Variants in ITPR1 observed in about 807,000 individuals in gnomAD.
The protein encoded by ITPR1 is inositol 1,4,5-trisphosphate-gated calcium channel ITPR1.
A neutral mutation model predicts 318.4 loss-of-function variants in ITPR1; 96 were observed. That is an observed-to-expected ratio of 0.30 (90% CI 0.26 to 0.36). ITPR1 has a LOEUF of 0.36. ITPR1 is among the 10% of genes least tolerant of loss of function. The probability of loss-of-function intolerance (pLI) is 1.00; values close to 1 mark genes in which losing one functional copy is unlikely to be tolerated. For missense variants in ITPR1, 2,440 were observed against 3,460.2 expected, an observed-to-expected ratio of 0.71 and a Z score of 7.40; for synonymous variants, 1,312 against 1,289.9, an observed-to-expected ratio of 1.02 and a Z score of -0.37.
rs928358628 is a variant in ITPR1 at position 4,670,638 on chromosome 3, G to A, written c.2007-91G>A. On this transcript the variant is annotated intron_variant, in intron 19 of 61. Transcript: ENST00000649015. ...TTGGGGGAAATACAAAACAAAAAGT[G>A]TCTTTCCATGTGTCTTTATGCTGAA... 37 of 944,102 alleles carry A rather than the reference G, an allele frequency of 3.9e-5. 1 individual carries two copies. The highest frequency in any genetic ancestry group is 5.8e-5 in the Non-Finnish European group (35 of 608,520). 58.5% of individuals were successfully genotyped at this position (944,102 alleles called of 1,614,324 possible). A position where few individuals can be genotyped will look rare whatever the true frequency, so the allele number is the denominator to read the frequency against.
chr3:4,683,805 G>T lies in ITPR1; in HGVS notation c.3498+7G>T. On this transcript the variant is annotated splice_region_variant and intron_variant, in intron 28 of 61. Transcript: ENST00000649015. ...TGAACATAAGAAAACGGAGGTGAGTGAAACACAAGTTATGCTGCCAAAGTG... is the reference window on the plus strand; with the variant it reads ...TGAACATAAGAAAACGGAGGTGAGTTAAACACAAGTTATGCTGCCAAAGTG... 1 of 1,611,614 alleles carries T rather than the reference G, an allele frequency of 6.2e-7. No homozygotes were observed. The highest frequency in any genetic ancestry group is 2.2e-5 in the East Asian group (1 of 44,822).
At chr3:4,676,250 C>G (rs2094182884) in intron 23 of ITPR1, among the ~76,000 whole-genome samples, 1 of 151,434 alleles carries the variant, frequency 6.6e-6, no homozygotes, top group South Asian at 2.1e-4. Context: ...GACGTTGAGG[C>G]AGGAAGATTG....
chr3:4,612,260 C>T (rs55986749), intron 4 of ITPR1, among the ~76,000 whole-genome samples: 20,558 of 151,796 alleles, frequency 0.14, 1,510 homozygotes, highest in African/African-American at 0.19. Flanking sequence ...CAGCGTTTCA[C>T]CATGTTGGCC....
rs2094369426 is a variant in ITPR1, at chr3:4,685,115, T to G, written c.3611T>G (p.Val1204Gly). Residue 1204 changes from valine to glycine, a missense_variant, in exon 30 of 62, where the codon GTG (valine) becomes GGG (glycine). Transcript: ENST00000649015. ...CTCTGTGTTCAAGAGAGTGCCTCAG[T>G]GAGAAAGAGCAGGAAGCAGCAACAG... ...SKLCVQESAS[V>G]RKSRKQQQRL... The G allele has an allele frequency of 6.2e-7, 1 of 1,611,088 alleles. No individual in the cohort carries two copies. Among genetic ancestry groups the G allele is most frequent in the African/African-American group, 1.3e-5 (1 of 74,886 alleles).
At chr3:4,738,499 G>A (rs949999798) in intron 44 of ITPR1, among the ~76,000 whole-genome samples, 7 of 152,168 alleles carry the variant, frequency 4.6e-5, no homozygotes, top group African/African-American at 1.4e-4. Flanking sequence ...GGCCCCATTC[G>A]GTTCTGGGCT....
In ITPR1 at chr3:4,645,590, G is replaced by A. The variant is rs1368432557; in HGVS notation, c.717G>A (p.Val239=). 1 of 1,613,198 alleles carries A rather than the reference G, an allele frequency of 6.2e-7. No individual in the cohort carries two copies. Among genetic ancestry groups the A allele is most frequent in the African/African-American group, 1.3e-5 (1 of 74,860 alleles). ...NKDDILKGGD[V]VRLFHAEQEK... ...CTTGTGTTGACTGTCAGGGTGACGT[G>A]GTGAGGCTGTTTCATGCTGAGCAGG... Residue 239 remains valine (V), a synonymous_variant, in exon 10 of 62, where the codon GTG becomes GTA. Coordinates refer to ENST00000649015, the MANE Select transcript of ITPR1 (RefSeq NM_001378452.1).
intron 52 of ITPR1, among the ~76,000 whole-genome samples, chr3:4,790,329 T>C (rs949201088): frequency 2.6e-5 from 4 of 152,202 alleles, no homozygotes; most frequent in African/African-American, 9.7e-5. Flanking sequence ...GATGACCTAA[T>C]TGATGGACTG....
At chr3:4,652,511 C>A (rs1221553562) in intron 11 of ITPR1, among the ~76,000 whole-genome samples, 1 of 152,106 alleles carries the variant, frequency 6.6e-6, no homozygotes, top group Admixed American at 6.6e-5. Context: ...TTATATACGA[C>A]CCTCCCCACG....
chr3:4,578,042 A>G lies in ITPR1; in HGVS notation c.164-49721A>G, dbSNP rs761011850. Among the ~76,000 whole-genome samples, 75 of 152,250 alleles carry G rather than the reference A, an allele frequency of 4.9e-4. 2 individuals are homozygous for G. Among genetic ancestry groups the G allele is most frequent in the African/African-American group, 1.4e-4 (6 of 41,460 alleles). ...CAGTGCCAGTGAAACTGTGCATTCT[A>G]TACTCATCTTGAAATATTAGCCCTT... On this transcript the variant is annotated intron_variant, in intron 4 of 61. Coordinates refer to ENST00000649015, the MANE Select transcript of ITPR1 (RefSeq NM_001378452.1).
intron 34 of ITPR1, among the ~76,000 whole-genome samples, 170 bp downstream of exon 34, chr3:4,697,442 G>A (rs2094577870): frequency 9.1e-6 from 1 of 110,224 alleles, no homozygotes; most frequent in Non-Finnish European, 2.0e-5. Flanking sequence ...TTCTTCTCAT[G>A]TATCCTTTCT....
rs1028963647 is a variant in ITPR1, at chr3:4,811,558, C to G, written c.7468+98C>G. On this transcript the variant is annotated intron_variant, in intron 56 of 61. Transcript: ENST00000649015. ...AACGACTTTAGTAATGCAGATATCT[C>G]CCCATTGTATCTCCCTAACACGCAG... 7.6e-6 allele frequency: 7 copies of G among 925,422 alleles called. No homozygotes were observed. In the Admixed American group the frequency reaches 1.5e-4, roughly 20 times the overall value. 57.3% of individuals were successfully genotyped at this position (925,422 alleles called of 1,614,324 possible). A position where few individuals can be genotyped will look rare whatever the true frequency, so the allele number is the denominator to read the frequency against.
At chr3:4,550,215 C>G (rs966038978) in intron 4 of ITPR1, among the ~76,000 whole-genome samples, 4 of 152,112 alleles carry the variant, frequency 2.6e-5, no homozygotes, top group African/African-American at 9.7e-5. Context: ...TCTCTCTGAG[C>G]AGGGCCATGT....
intron 30 of ITPR1, among the ~76,000 whole-genome samples, chr3:4,687,277 A>T (rs1274849567): frequency 1.3e-5 from 2 of 152,248 alleles, no homozygotes; most frequent in East Asian, 1.9e-4. Flanking sequence ...TGCTGACCTC[A>T]GTCTAGCCCG....
At chr3:4,716,327 A>G (rs2041762188) in intron 39 of ITPR1, among the ~76,000 whole-genome samples, 1 of 152,226 alleles carries the variant, frequency 6.6e-6, no homozygotes. Flanking sequence ...TAATTATTTT[A>G]TGTATTATTA....
chr3:4,798,336 T>A (rs2048020118), intron 53 of ITPR1, among the ~76,000 whole-genome samples: 1 of 152,244 alleles, frequency 6.6e-6, no homozygotes, highest in Admixed American at 6.5e-5. Flanking sequence ...GAATGGCCAG[T>A]AAGCACATGA....
In ITPR1 at chr3:4,686,830, AG is replaced by A. The variant is rs56938555; in HGVS notation, c.3702+1626del. The stretch of plus-strand genomic sequence containing the variant: ...GATTCCTTTTATACGGAAGGACTGG[AG>A]GTGTGTGGAACTGTTTAAGGTTACA... On this transcript the variant is annotated intron_variant, in intron 30 of 61. Transcript: ENST00000649015. Among the ~76,000 whole-genome samples the A allele has an allele frequency of 1.1e-4, 16 of 152,276 alleles. No individual in the cohort carries two copies. In the East Asian group the frequency reaches 2.9e-3, roughly 28 times the overall value.
Position 4,766,596 on chromosome 3 carries a change from C to T in ITPR1, c.5611C>T (p.Arg1871Trp), listed in dbSNP as rs763282740. 7 of 1,613,516 alleles carry T rather than the reference C, an allele frequency of 4.3e-6. No individual in the cohort carries two copies. Among genetic ancestry groups the T allele is most frequent in the South Asian group, 3.3e-5 (3 of 91,048 alleles). Residue 1871 changes from arginine to tryptophan, a missense_variant, in exon 45 of 62, where the codon CGG (arginine) becomes TGG (tryptophan). This residue lies in a region of ITPR1 where 80 missense variants were observed against 122.0 expected (regional missense o/e 0.66). Coordinates refer to ENST00000649015, the MANE Select transcript of ITPR1 (RefSeq NM_001378452.1). The stretch of plus-strand genomic sequence containing the variant: ...GAAATTCTTTAAGGTGTTTTATGAC[C>T]GGATGAAGGTGGCCCAGCAAGAAAT... ...SEKFFKVFYDRMKVAQQEIKA... is the reference protein window; with the variant it reads ...SEKFFKVFYDWMKVAQQEIKA...
chr3:4,663,244 GAGAA>G, intron 16 of ITPR1, 38 bp downstream of exon 16: 1 of 1,574,000 alleles, frequency 6.4e-7, no homozygotes, highest in Non-Finnish European at 8.7e-7. Context: ...TTGGCTTTAT[GAGAA>G]ATCATAAAGC....
chr3:4,554,397 G>A (rs1046565778), intron 4 of ITPR1, among the ~76,000 whole-genome samples: 1 of 152,224 alleles, frequency 6.6e-6, no homozygotes, highest in South Asian at 2.1e-4. Context: ...CCTTTAGGAA[G>A]ATTAGTCTGG....
Sources: allele counts gnomAD v4.1 joint callset (sites outside exome capture counted in the v4.1 genomes callset), GRCh38; gene constraint gnomAD v4.1.1; regional missense constraint gnomAD v4.1.1; transcripts MANE v1.5; gene names NCBI Gene and HGNC (gene_info 2026-07-23, HGNC 2026-07-21).